Variants in ERLEC1 observed in about 807,000 individuals in gnomAD.
The protein encoded by ERLEC1 is endoplasmic reticulum lectin 1, also known as ER lectin.
A neutral mutation model predicts 68.0 loss-of-function variants in ERLEC1; 47 were observed. That is an observed-to-expected ratio of 0.69 (90% confidence interval 0.55 to 0.88). The LOEUF (loss-of-function observed/expected upper bound fraction) is 0.88, where lower values mean the gene tolerates loss of function less well. Among genes scored for constraint, ERLEC1 ranks in the 40% least tolerant of loss-of-function variants. The pLI is 0.00. For synonymous variants in ERLEC1, 225 were observed against 203.2 expected, an observed-to-expected ratio of 1.11 and a Z score of -0.91; for missense variants, 567 against 583.8, an observed-to-expected ratio of 0.97 and a Z score of 0.30.
Position 53,817,880 on chromosome 2 carries a change from T to G in ERLEC1, c.1381-18T>G, listed in dbSNP as rs949685233. ...TTCAGCTTAGCAACTTTTTAATGGC[T>G]TTGTTGTTCTTCTTTAGGTTGAATC... On this transcript the variant is annotated intron_variant, in intron 13 of 13. Coordinates refer to ENST00000185150, the MANE Select transcript of ERLEC1 (RefSeq NM_015701.5). The G allele has an allele frequency of 1.3e-6, 2 of 1,568,032 alleles. No individual in the cohort carries two copies. The highest frequency in any genetic ancestry group is 3.3e-5 in the Admixed American group (2 of 59,944).
intron 1 of ERLEC1, 141 bp downstream of exon 1, chr2:53,787,513 C>T (rs1011950912): frequency 1.9e-5 from 19 of 980,370 alleles, no homozygotes; most frequent in Non-Finnish European, 2.6e-5. Context: ...TGCTTTTATG[C>T]AGCGTTCATT....
At chr2:53,794,160 C>CA (rs763607174) in intron 1 of ERLEC1, among the ~76,000 whole-genome samples, 185 bp from the exon 2 acceptor site, 49 of 152,268 alleles carry the variant, frequency 3.2e-4, no homozygotes, top group Admixed American at 4.6e-4. Context: ...AACAAACCTG[C>CA]ACATGTACCC....
At chr2:53,794,524 A>G (rs970146589) in intron 2 of ERLEC1, 75 bp downstream of exon 2, 16 of 673,156 alleles carry the variant, frequency 2.4e-5, no homozygotes, top group Non-Finnish European at 3.8e-5. Flanking sequence ...ACATACTTTG[A>G]AGTAAAATTG....
chr2:53,808,850 A>C (rs1351175666), intron 9 of ERLEC1, among the ~76,000 whole-genome samples: 2 of 152,192 alleles, frequency 1.3e-5, no homozygotes, highest in Non-Finnish European at 2.9e-5. Context: ...GCTGATCTCA[A>C]ACTCCTGGGC....
intron 1 of ERLEC1, among the ~76,000 whole-genome samples, chr2:53,792,728 A>C (rs1482640038): frequency 6.6e-6 from 1 of 152,192 alleles, no homozygotes; most frequent in Non-Finnish European, 1.5e-5. Context: ...ATAGTTAAAC[A>C]GTTGTTAGGC....
intron 8 of ERLEC1, among the ~76,000 whole-genome samples, chr2:53,804,082 G>T (rs1043142234): frequency 6.6e-6 from 1 of 152,220 alleles, no homozygotes; most frequent in South Asian, 2.1e-4. Flanking sequence ...AGTTAGCCAA[G>T]ATTGCACCAC....
chr2:53,809,337 A>G (rs1174522341), intron 10 of ERLEC1, 64 bp downstream of exon 10: 1 of 1,116,260 alleles, frequency 9.0e-7, no homozygotes, highest in Non-Finnish European at 1.3e-6. Context: ...AATCTGTTGT[A>G]GAAAAAAAGG....
chr2:53,799,747 A>G (rs1186227203), intron 6 of ERLEC1, among the ~76,000 whole-genome samples: 1 of 152,130 alleles, frequency 6.6e-6, no homozygotes, highest in African/African-American at 2.4e-5. Flanking sequence ...GTAAAGTAAA[A>G]TGGCAAAGTC....
intron 3 of ERLEC1, 144 bp from the exon 4 acceptor site, chr2:53,797,371 T>A (rs1007705442): frequency 8.5e-6 from 5 of 584,868 alleles, no homozygotes; most frequent in African/African-American, 7.5e-5. Context: ...AAATTTCACA[T>A]TTTTTTGAGG....
chr2:53,792,979 G>T (rs1259467232), intron 1 of ERLEC1, among the ~76,000 whole-genome samples: 5 of 150,802 alleles, frequency 3.3e-5, no homozygotes, highest in African/African-American at 7.3e-5. Context: ...ACTGCACTCA[G>T]CCTGGGTTAG....
At chr2:53,814,494 T>C in intron 11 of ERLEC1, 49 bp from the exon 12 acceptor site, 2 of 1,348,812 alleles carry the variant, frequency 1.5e-6, no homozygotes, top group Non-Finnish European at 2.1e-6. Flanking sequence ...ACAATTATTC[T>C]ATTAGTGAGA....
intron 10 of ERLEC1, among the ~76,000 whole-genome samples, chr2:53,810,379 T>G (rs1676527666): frequency 6.6e-6 from 1 of 151,168 alleles, no homozygotes; most frequent in Non-Finnish European, 1.5e-5. Context: ...AAGATTATAC[T>G]TTTTGAGTTC....
intron 10 of ERLEC1, among the ~76,000 whole-genome samples, chr2:53,812,454 A>T (rs1341974254): frequency 5.9e-5 from 9 of 152,238 alleles, no homozygotes; most frequent in Non-Finnish European, 1.0e-4. Flanking sequence ...TATGGTACCA[A>T]ATGAATAGTG....
chr2:53,796,055 C>A (rs1382048243), intron 3 of ERLEC1, 42 bp downstream of exon 3: 3 of 1,246,014 alleles, frequency 2.4e-6, no homozygotes, highest in Non-Finnish European at 2.3e-6. Flanking sequence ...AAATAGATTA[C>A]CAACAGCCAA....
intron 1 of ERLEC1, among the ~76,000 whole-genome samples, chr2:53,788,263 TTAC>T (rs1394833361): frequency 6.6e-5 from 10 of 152,210 alleles, no homozygotes; most frequent in African/African-American, 2.4e-4. Context: ...TATTCTTTCA[TTAC>T]CATTTCATTG....
At chr2:53,815,601 T>C (rs1676834439) in intron 13 of ERLEC1, among the ~76,000 whole-genome samples, 1 of 152,212 alleles carries the variant, frequency 6.6e-6, no homozygotes, top group South Asian at 2.1e-4. Context: ...TACCCATTTC[T>C]GATTTATGAC....
intron 11 of ERLEC1, 94 bp from the exon 12 acceptor site, chr2:53,814,449 C>G (rs1676754549): frequency 1.3e-6 from 1 of 744,360 alleles, no homozygotes; most frequent in African/African-American, 1.8e-5. Flanking sequence ...TAATGCAAAA[C>G]TGATCCCTCT....
intron 9 of ERLEC1, 48 bp downstream of exon 9, chr2:53,808,508 G>C: frequency 1.3e-6 from 2 of 1,585,164 alleles, no homozygotes; most frequent in Non-Finnish European, 1.7e-6. Flanking sequence ...AACTTTACCT[G>C]CCAGGTATGG....
chr2:53,808,177 A>G, intron 8 of ERLEC1, 122 bp from the exon 9 acceptor site: 1 of 1,032,020 alleles, frequency 9.7e-7, no homozygotes, highest in Non-Finnish European at 1.4e-6. Flanking sequence ...AAGTGTATTA[A>G]AAGCAAGTGG....
Sources: allele counts gnomAD v4.1 joint callset (sites outside exome capture counted in the v4.1 genomes callset), GRCh38; gene constraint gnomAD v4.1.1; transcripts MANE v1.5; gene names NCBI Gene and HGNC (gene_info 2026-07-23, HGNC 2026-07-21).